The following OPCML variants were observed in gnomAD, a reference collection of about 807,000 sequenced individuals.
OPCML encodes the protein opioid binding protein/cell adhesion molecule like, also known as opioid-binding protein/cell adhesion molecule.
A neutral mutation model predicts 37.8 loss-of-function variants in OPCML; 13 were observed. That is an observed-to-expected ratio of 0.34 (90% confidence interval 0.22 to 0.55). The LOEUF is 0.55. Among genes scored for constraint, OPCML ranks in the 20% least tolerant of loss-of-function variants. OPCML has a pLI of 0.91. For missense variants in OPCML, 341 were observed against 435.6 expected (o/e 0.78, Z 1.93); for synonymous variants, 176 against 168.8 (o/e 1.04, Z -0.33).
Position 133,244,137 on chromosome 11 carries a change from G to C in OPCML, c.61+288127C>G, listed in dbSNP as rs148191701. 1.5e-3 allele frequency among the ~76,000 whole-genome samples: 221 copies of C among 152,340 alleles called. 5 individuals carry two copies. Among genetic ancestry groups the C allele is most frequent in the Middle Eastern group, 0.01 (3 of 294 alleles). On this transcript the variant is annotated intron_variant, in intron 1 of 7. Coordinates refer to ENST00000524381, the MANE Select transcript of OPCML (RefSeq NM_001012393.5). ...GTGCAATAGCACTGCTAGCCCATTA[G>C]AGCATGGGGGTGAGGACACAGGCTT...
At chr11:133,443,253 A>G (rs1946400791) in intron 1 of OPCML, among the ~76,000 whole-genome samples, 1 of 152,230 alleles carries the variant, frequency 6.6e-6, no homozygotes, top group Non-Finnish European at 1.5e-5. Context: ...AATCTTTTAT[A>G]GGAAAGCTTC....
At chr11:132,765,323 A>G (rs1249667239) in intron 2 of OPCML, among the ~76,000 whole-genome samples, 2 of 149,908 alleles carry the variant, frequency 1.3e-5, no homozygotes. Flanking sequence ...CATAATTACA[A>G]GTATTAAAAT....
intron 2 of OPCML, among the ~76,000 whole-genome samples, chr11:132,744,833 T>A (rs1945559269): frequency 6.6e-6 from 1 of 152,214 alleles, no homozygotes; most frequent in Non-Finnish European, 1.5e-5. Flanking sequence ...AGGTTATAAA[T>A]ACTCTCTAGA....
intron 1 of OPCML, among the ~76,000 whole-genome samples, chr11:133,041,674 T>C (rs1947900021): frequency 6.6e-6 from 1 of 152,190 alleles, no homozygotes; most frequent in Non-Finnish European, 1.5e-5. Context: ...GTTGCCTTGA[T>C]CCAAAGAATC....
intron 1 of OPCML, chr11:133,301,538 G>T (rs1942777204): frequency 6.6e-6 from 1 of 152,176 alleles, no homozygotes; most frequent in Admixed American, 6.5e-5. Flanking sequence ...GAGAGCTTTT[G>T]TTAGGGATGA....
At chr11:132,551,778 ACT>A (rs1368003984) in intron 3 of OPCML, among the ~76,000 whole-genome samples, 1 of 151,630 alleles carries the variant, frequency 6.6e-6, no homozygotes, top group Non-Finnish European at 1.5e-5. Flanking sequence ...ATCCTTAAAA[ACT>A]CTGATCCCTG....
At chr11:133,523,360 G>T (rs981437492) in intron 1 of OPCML, among the ~76,000 whole-genome samples, 15 of 152,098 alleles carry the variant, frequency 9.9e-5, no homozygotes, top group Non-Finnish European at 2.2e-4. Flanking sequence ...TGCTGACAGT[G>T]GGGAGACTTA....
intron 2 of OPCML, among the ~76,000 whole-genome samples, chr11:132,727,808 T>G (rs1233144500): frequency 1.3e-5 from 2 of 152,204 alleles, no homozygotes; most frequent in African/African-American, 4.8e-5. Flanking sequence ...AGTTCCCTAT[T>G]CTAAAAAATT....
intron 1 of OPCML, among the ~76,000 whole-genome samples, chr11:133,140,531 T>TAAGAAG (rs1168417109): frequency 0.022 from 1,970 of 88,046 alleles, 43 homozygotes; most frequent in Middle Eastern, 0.028. Flanking sequence ...ATAATAATAA[T>TAAGAAG]AAGAAGAAGA....
chr11:132,733,279 C>T (rs779150357), intron 2 of OPCML, among the ~76,000 whole-genome samples: 4 of 151,652 alleles, frequency 2.6e-5, no homozygotes, highest in South Asian at 2.1e-4. Context: ...AGTAAGAAGG[C>T]GAAGGGAGGT....
intron 3 of OPCML, among the ~76,000 whole-genome samples, chr11:132,543,975 A>AG (rs1341047426): frequency 2.0e-5 from 3 of 152,160 alleles, no homozygotes; most frequent in South Asian, 2.1e-4. Flanking sequence ...TGAAAAAGGC[A>AG]GGGGGGTCTG....
At chr11:132,707,356 A>G (rs1944076337) in intron 2 of OPCML, among the ~76,000 whole-genome samples, 1 of 152,198 alleles carries the variant, frequency 6.6e-6, no homozygotes, top group Admixed American at 6.5e-5. Flanking sequence ...GGAGTAAATG[A>G]TATTATTGCT....
intron 3 of OPCML, among the ~76,000 whole-genome samples, chr11:132,562,115 T>C (rs1274677642): frequency 6.6e-6 from 1 of 152,182 alleles, no homozygotes; most frequent in East Asian, 1.9e-4. Context: ...ATTTGAGTTG[T>C]AATATGTGTT....
chr11:132,517,917 C>T (rs1342637201), intron 4 of OPCML, among the ~76,000 whole-genome samples: 1 of 152,072 alleles, frequency 6.6e-6, no homozygotes, highest in Non-Finnish European at 1.5e-5. Context: ...GTTTAGTCAA[C>T]TGCAGATTTA....
At chr11:133,234,922 C>A (rs556552073) in intron 1 of OPCML, among the ~76,000 whole-genome samples, 1 of 152,074 alleles carries the variant, frequency 6.6e-6, no homozygotes, top group Non-Finnish European at 1.5e-5. Flanking sequence ...TTCCATGGTG[C>A]GGATGGTCTG....
chr11:132,687,532 A>G (rs1225171386), intron 2 of OPCML, among the ~76,000 whole-genome samples: 1 of 150,400 alleles, frequency 6.6e-6, no homozygotes, highest in Non-Finnish European at 1.5e-5. Flanking sequence ...GCCTTTCCTC[A>G]GCATAGAAAA....
intron 1 of OPCML, among the ~76,000 whole-genome samples, chr11:133,454,191 A>G (rs6590704): frequency 0.37 from 55,755 of 152,120 alleles, 15,622 homozygotes; most frequent in African/African-American, 0.79. Context: ...GTTTTGAACC[A>G]AATTGTCTGA....
At chr11:133,435,207 T>A (rs1249805145) in intron 1 of OPCML, among the ~76,000 whole-genome samples, 1 of 152,164 alleles carries the variant, frequency 6.6e-6, no homozygotes, top group Non-Finnish European at 1.5e-5. Flanking sequence ...TATAGTAAGA[T>A]TCATGAATAT....
At chr11:133,092,471 C>G (rs1487645027) in intron 1 of OPCML, among the ~76,000 whole-genome samples, 1 of 152,004 alleles carries the variant, frequency 6.6e-6, no homozygotes. Context: ...GCCTGTAATC[C>G]CAGTACTTTG....
Sources: gnomAD v4.1 joint callset for allele counts (sites outside exome capture counted in the v4.1 genomes callset) on GRCh38, gnomAD v4.1.1 for gene constraint, MANE v1.5 for transcripts, NCBI Gene and HGNC (gene_info 2026-07-23, HGNC 2026-07-21) for gene names.